PKD1L1: variants seen among roughly 807,000 people sequenced by gnomAD.
PKD1L1 encodes the protein polycystin 1 like 1, transient receptor potential channel interacting.
PKD1L1 carries 236 observed loss-of-function variants against 323.4 expected under a neutral mutation model. The observed-to-expected ratio is 0.73, with a 90% CI of 0.66 to 0.81. The LOEUF is 0.81. Ranked by LOEUF, PKD1L1 falls within the 40% of genes least tolerant of loss-of-function variation. The pLI, the probability that PKD1L1 is intolerant of heterozygous loss-of-function variation, is 0.00. For missense variants in PKD1L1, 3,320 were observed against 3,508.0 expected (o/e 0.95, Z 1.35); for synonymous variants, 1,344 against 1,335.0 (o/e 1.01, Z -0.15).
chr7:47,780,857 C>T (rs996776362), intron 56 of PKD1L1, among the ~76,000 whole-genome samples: 32 of 152,290 alleles, frequency 2.1e-4, no homozygotes, highest in African/African-American at 7.5e-4. Context: ...ACAAATAAAG[C>T]TGCTGTGAAC....
chr7:47,808,280 A>G lies in PKD1L1; in HGVS notation c.7794T>C (p.Phe2598=). ...NQFHRGLCRA[F]MDLTLMASWN... ...ATGATGCCATAAGGGTGAGGTCCATAAATGCTCGGCAAAGTCCTCTGTGAA... is the reference window on the plus strand; with the variant it reads ...ATGATGCCATAAGGGTGAGGTCCATGAATGCTCGGCAAAGTCCTCTGTGAA... The change falls in exon 52 of 57, where the codon TTT becomes TTC. Residue 2598 remains phenylalanine, a synonymous_variant. Transcript: ENST00000289672. The G allele has an allele frequency of 1.2e-6, 2 of 1,614,174 alleles. No individual in the cohort carries two copies. The highest frequency in any genetic ancestry group is 1.7e-6 in the Non-Finnish European group (2 of 1,180,028).
chr7:47,954,941 G>A, the PKD1L1 span, among the ~76,000 whole-genome samples: 26 of 152,206 alleles, frequency 1.7e-4, no homozygotes, highest in Non-Finnish European at 3.1e-4. Context: ...TGCTACAGGC[G>A]AATAGGAACT....
At chr7:47,841,203 TG>T (rs1785557532) in intron 34 of PKD1L1, among the ~76,000 whole-genome samples, 1 of 152,254 alleles carries the variant, frequency 6.6e-6, no homozygotes, top group Non-Finnish European at 1.5e-5. Context: ...GTTCATTTTT[TG>T]TGTGTATGAT....
At chr7:47,909,679 C>CA (rs961230848) in intron 8 of PKD1L1, among the ~76,000 whole-genome samples, 2 of 152,172 alleles carry the variant, frequency 1.3e-5, no homozygotes, top group South Asian at 2.1e-4. Context: ...TACTGAAGCT[C>CA]AAAAGGTTAA....
At chr7:47,919,396 C>G (rs1207084701) in intron 7 of PKD1L1, among the ~76,000 whole-genome samples, 1 of 151,862 alleles carries the variant, frequency 6.6e-6, no homozygotes, top group African/African-American at 2.4e-5. Flanking sequence ...AAATTAACAA[C>G]AAAAAAAGTC....
At chr7:47,868,619 T>C (rs1020383350) in intron 24 of PKD1L1, among the ~76,000 whole-genome samples, 1 of 152,226 alleles carries the variant, frequency 6.6e-6, no homozygotes, top group Non-Finnish European at 1.5e-5. Context: ...CTCATGCCTG[T>C]AATCCCAGCA....
chr7:47,916,367 T>A (rs1442732938), intron 7 of PKD1L1, among the ~76,000 whole-genome samples: 1 of 152,170 alleles, frequency 6.6e-6, no homozygotes, highest in Non-Finnish European at 1.5e-5. Flanking sequence ...GTTCTAAGAT[T>A]TAGGTGCCTT....
intron 4 of PKD1L1, among the ~76,000 whole-genome samples, chr7:47,933,537 C>T (rs188762101): frequency 6.7e-4 from 102 of 152,262 alleles, no homozygotes; most frequent in African/African-American, 2.2e-3. Flanking sequence ...TCAAATCCAA[C>T]GCAACGTCCT....
In PKD1L1 at chr7:47,885,988, T is replaced by C. The variant is rs747422492; in HGVS notation, c.2903A>G (p.Gln968Arg). 3 of 1,614,166 alleles carry C rather than the reference T, an allele frequency of 1.9e-6. No homozygotes were observed. Among genetic ancestry groups the C allele is most frequent in the Non-Finnish European group, 2.5e-6 (3 of 1,180,034 alleles). The change falls in exon 18 of 57, where the codon CAG becomes CGG. Residue 968 changes from glutamine (Q) to arginine (R), a missense_variant. Coordinates refer to ENST00000289672, the MANE Select transcript of PKD1L1 (RefSeq NM_138295.5). ...LGLGAISESS[Q>R]LNLLPTEPGT... The stretch of plus-strand genomic sequence containing the variant: ...AGGCTCAGTGGGCAGCAGGTTTAAC[T>C]GTGATGACTCTGAAATGGCACCGAG...
intron 53 of PKD1L1, among the ~76,000 whole-genome samples, chr7:47,801,310 A>G (rs1784657560): frequency 6.6e-6 from 1 of 152,228 alleles, no homozygotes; most frequent in Non-Finnish European, 1.5e-5. Context: ...CTTAGGAAGC[A>G]TCAGGAAGGC....
intron 24 of PKD1L1, among the ~76,000 whole-genome samples, chr7:47,870,390 GA>G (rs113358198): frequency 0.32 from 48,975 of 151,750 alleles, 8,420 homozygotes; most frequent in African/African-American, 0.43. Context: ...GAGGGAAAAA[GA>G]GATGACTTAA....
At chr7:47,898,644 C>T (rs1012137719) in intron 13 of PKD1L1, among the ~76,000 whole-genome samples, 6 of 151,956 alleles carry the variant, frequency 3.9e-5, no homozygotes, top group Non-Finnish European at 8.8e-5. Flanking sequence ...TTTGCTTTCC[C>T]TATTTTTTTC....
At chr7:47,880,263 TAC>T (rs1480079663) in intron 21 of PKD1L1, among the ~76,000 whole-genome samples, 1,780 of 87,166 alleles carry the variant, frequency 0.02, 70 homozygotes, top group Middle Eastern at 0.035. Flanking sequence ...TATATATATA[TAC>T]ATATATATAT....
intron 37 of PKD1L1, among the ~76,000 whole-genome samples, chr7:47,836,522 T>C (rs1414636738): frequency 6.6e-6 from 1 of 152,202 alleles, no homozygotes; most frequent in African/African-American, 2.4e-5. Context: ...AACTGGCATC[T>C]TGAGGGAAAA....
In PKD1L1 at chr7:47,885,920, C is replaced by T. The variant is rs769235563; in HGVS notation, c.2971G>A (p.Glu991Lys). 3 of 1,614,098 alleles carry T rather than the reference C, an allele frequency of 1.9e-6. No homozygotes were observed. The highest frequency in any genetic ancestry group is 2.2e-5 in the South Asian group (2 of 91,062). The change falls in exon 18 of 57, where the codon GAA becomes AAA. Residue 991 changes from glutamate to lysine, a missense_variant. Coordinates refer to ENST00000289672, the MANE Select transcript of PKD1L1 (RefSeq NM_138295.5). ...PDATTTPFSR[E>K]PSPVTLGQPA... ...TGGCCAAGGGTCACGGGTGAAGGTT[C>T]CCGTGAGAATGGTGTGGTCGTTGCA... is the stretch of plus-strand genomic sequence containing the variant.
chr7:47,832,672 T>C (rs1785371951), intron 41 of PKD1L1, among the ~76,000 whole-genome samples: 1 of 152,184 alleles, frequency 6.6e-6, no homozygotes, highest in African/African-American at 2.4e-5. Context: ...CCTCCTAGGA[T>C]TGCAGCAGGA....
At position 47,853,766 on chromosome 7, in the gene PKD1L1, CAA is replaced by C. The variant is rs58842095; in HGVS notation, c.4860-541_4860-540del. Reference sequence around the variant, plus strand: ...CTCAAAAACAAACAAACAAACAAACCAAAAAAAAAAAAAAAAAACACCAAAAA... The same window carrying C: ...CTCAAAAACAAACAAACAAACAAACCAAAAAAAAAAAAAAAACACCAAAAA... On this transcript the variant is annotated intron_variant, in intron 30 of 56. Coordinates refer to ENST00000289672, the MANE Select transcript of PKD1L1 (RefSeq NM_138295.5). Among the ~76,000 whole-genome samples the C allele has an allele frequency of 9.7e-3, 1,051 of 108,168 alleles. 13 individuals carry two copies. Among genetic ancestry groups the C allele is most frequent in the African/African-American group, 0.033 (899 of 27,116 alleles). 71.0% of individuals were successfully genotyped at this position (108,168 alleles called of 152,430 possible). A position where few individuals can be genotyped will look rare whatever the true frequency, so the allele number is the denominator to read the frequency against.
At chr7:47,859,020 C>A in intron 26 of PKD1L1, 135 bp from the exon 27 acceptor site, 2 of 1,074,926 alleles carry the variant, frequency 1.9e-6, no homozygotes, top group Non-Finnish European at 2.7e-6. Flanking sequence ...TGCCTCATGG[C>A]ATATGATGCA....
intron 46 of PKD1L1, among the ~76,000 whole-genome samples, chr7:47,818,955 T>A (rs1205869412): frequency 6.6e-6 from 1 of 152,298 alleles, no homozygotes; most frequent in East Asian, 1.9e-4. Context: ...AGATGCTAAG[T>A]CCGAGCACTT....
Sources: allele counts gnomAD v4.1 joint callset (sites outside exome capture counted in the v4.1 genomes callset), GRCh38; gene constraint gnomAD v4.1.1; transcripts MANE v1.5; gene names NCBI Gene and HGNC (gene_info 2026-07-23, HGNC 2026-07-21).